The following TRIM5 variants were observed in gnomAD, a reference collection of about 807,000 sequenced individuals.
The protein encoded by TRIM5 is tripartite motif-containing protein 5.
A neutral mutation model predicts 35.6 loss-of-function variants in TRIM5; 31 were observed. The ratio of observed to expected loss-of-function variants is 0.87; its 90% CI spans 0.65 to 1.18. The LOEUF is 1.18. Ranked by LOEUF, TRIM5 falls within the 50% of genes most tolerant of loss-of-function variation. The pLI is 0.00. For missense variants in TRIM5, 609 were observed against 591.6 expected (o/e 1.03, Z -0.31); for synonymous variants, 243 against 215.6 (o/e 1.13, Z -1.11).
At chr11:5,605,393 T>C in the TRIM5 span, 3 of 1,613,982 alleles carry the variant, frequency 1.9e-6, no homozygotes, top group East Asian at 2.2e-5. Flanking sequence ...AGCTGCGAAA[T>C]ATCCTAGACA....
At chr11:5,601,285 A>G in the TRIM5 span, among the ~76,000 whole-genome samples, 5 of 152,348 alleles carry the variant, frequency 3.3e-5, no homozygotes, top group South Asian at 1.0e-3. Context: ...TGGAAAGGTT[A>G]GGTTATGCCA....
chr11:5,680,467 T>C (rs913333294), intron 1 of TRIM5, among the ~76,000 whole-genome samples: 4 of 152,222 alleles, frequency 2.6e-5, no homozygotes, highest in Non-Finnish European at 5.9e-5. Context: ...TATCTGTGCA[T>C]TGGTTATCAT....
At chr11:5,634,530 C>CACACACACACACACACAT in the TRIM5 span, 35 of 262,012 alleles carry the variant, frequency 1.3e-4, no homozygotes, top group Middle Eastern at 7.3e-4. Flanking sequence ...CACACACACA[C>CACACACACACACACACAT]ATATATATAT....
At chr11:5,683,481 A>G (rs2880576) in intron 1 of TRIM5, among the ~76,000 whole-genome samples, 79,784 of 150,192 alleles carry the variant, frequency 0.53, 21,169 homozygotes, top group African/African-American at 0.53. Context: ...TCGACACTCT[A>G]TATCTAGCTA....
the TRIM5 span, chr11:5,643,640 GC>G: frequency 6.2e-7 from 1 of 1,613,996 alleles, no homozygotes; most frequent in African/African-American, 1.3e-5. Context: ...GCTTTTCTCA[GC>G]CTGTTTATCC....
chr11:5,632,206 T>G, the TRIM5 span: 2 of 1,525,814 alleles, frequency 1.3e-6, no homozygotes, highest in South Asian at 1.3e-5. Flanking sequence ...GCAATTAGAA[T>G]GCTTTTTATT....
At chr11:5,680,889 C>CTCGT (rs1852386255) in intron 1 of TRIM5, among the ~76,000 whole-genome samples, 1 of 152,108 alleles carries the variant, frequency 6.6e-6, no homozygotes, top group Non-Finnish European at 1.5e-5. Context: ...CTGAGATGAC[C>CTCGT]TCGTATTCAG....
chr11:5,603,074 G>A, the TRIM5 span, among the ~76,000 whole-genome samples: 2 of 152,160 alleles, frequency 1.3e-5, no homozygotes, highest in Non-Finnish European at 2.9e-5. Context: ...TTTAATATGG[G>A]GAGAAATTGG....
intron 4 of TRIM5, among the ~76,000 whole-genome samples, chr11:5,670,170 C>CTTT (rs3060972): frequency 0.011 from 665 of 60,250 alleles, 4 homozygotes; most frequent in Middle Eastern, 0.022. Context: ...AGATGCCCAT[C>CTTT]TTTTTTTTTT....
the TRIM5 span, among the ~76,000 whole-genome samples, chr11:5,648,938 AAGTTTACATGGCTTTGCTGAG>A: frequency 6.6e-6 from 1 of 152,262 alleles, no homozygotes; most frequent in Non-Finnish European, 1.5e-5. Context: ...TGTCCTCAAG[AAGTTTACATGGCTTTGCTGAG>A]AGTATAAGCA....
intron 4 of TRIM5, among the ~76,000 whole-genome samples, chr11:5,675,427 G>C (rs1265075130): frequency 6.6e-6 from 1 of 152,054 alleles, no homozygotes; most frequent in Non-Finnish European, 1.5e-5. Flanking sequence ...TGATTTACCT[G>C]ACCCCAGGAA....
chr11:5,667,915 C>G (rs34080219), intron 4 of TRIM5, among the ~76,000 whole-genome samples: 13,033 of 152,188 alleles, frequency 0.086, 575 homozygotes, highest in Non-Finnish European at 0.097. Context: ...GTAGAAATAG[C>G]TTTCATCCCT....
intron 5 of TRIM5, 127 bp from the exon 6 acceptor site, chr11:5,666,208 G>T (rs1436764415): frequency 5.0e-6 from 4 of 801,096 alleles, no homozygotes; most frequent in Non-Finnish European, 8.1e-6. Flanking sequence ...CCTGAGAAGG[G>T]AGAGTGCAAA....
intron 4 of TRIM5, among the ~76,000 whole-genome samples, chr11:5,673,065 T>G (rs1412905045): frequency 6.6e-6 from 1 of 151,946 alleles, no homozygotes; most frequent in Non-Finnish European, 1.5e-5. Flanking sequence ...AATGGTAAAT[T>G]TAAGTAAAAC....
the TRIM5 span, among the ~76,000 whole-genome samples, chr11:5,609,249 C>G: frequency 6.6e-6 from 1 of 152,158 alleles, no homozygotes. Context: ...ATCGTCCCTT[C>G]TGAAATCTGT....
the TRIM5 span, among the ~76,000 whole-genome samples, chr11:5,651,995 T>G: frequency 6.6e-6 from 1 of 152,176 alleles, no homozygotes; most frequent in Non-Finnish European, 1.5e-5. Context: ...TGGGGTTGTT[T>G]GTTTTCTGCT....
intron 5 of TRIM5, 187 bp from the exon 6 acceptor site, chr11:5,666,268 T>TA (rs771813939): frequency 1.5e-6 from 1 of 671,284 alleles, no homozygotes; most frequent in Non-Finnish European, 2.7e-6. Flanking sequence ...CCTTCCCACT[T>TA]ACTTTCTGTG....
the TRIM5 span, chr11:5,610,841 A>G: frequency 1.9e-6 from 3 of 1,614,200 alleles, no homozygotes; most frequent in East Asian, 4.5e-5. Flanking sequence ...ACCGGAGACA[A>G]GTGAGGTTTG....
Position 5,683,007 on chromosome 11 carries a change from G to A in TRIM5, c.-62+1861C>T, listed in dbSNP as rs562290971. ...CGCTTGTGGGCCAGCTGGAGTTCCG[G>A]GTGGGCGTGGGCTTGGTGGGCCCCG... On this transcript the variant is annotated intron_variant, in intron 1 of 7. Transcript: ENST00000380034. Among the ~76,000 whole-genome samples, 470 of 152,346 alleles carry A rather than the reference G, an allele frequency of 3.1e-3. 5 individuals carry two copies. Among genetic ancestry groups the A allele is most frequent in the African/African-American group, 0.011 (441 of 41,582 alleles).
Sources: allele counts gnomAD v4.1 joint callset (sites outside exome capture counted in the v4.1 genomes callset), GRCh38; gene constraint gnomAD v4.1.1; transcripts MANE v1.5; gene names NCBI Gene and HGNC (gene_info 2026-07-23, HGNC 2026-07-21).